The following PARD3 variants were observed in gnomAD, a reference collection of about 807,000 sequenced individuals.
The protein encoded by PARD3 is par-3 family cell polarity regulator, also known as partitioning defective 3 homolog.
In PARD3, 75 loss-of-function variants were observed where a neutral mutation model predicts 155.4. The observed-to-expected ratio is 0.48, with a 90% CI of 0.40 to 0.58. The LOEUF is 0.58. Among genes scored for constraint, PARD3 ranks in the 20% least tolerant of loss-of-function variants. The pLI, the probability that PARD3 is intolerant of heterozygous loss-of-function variation, is 0.00. For missense variants in PARD3, 1,642 were observed against 1,721.7 expected, an observed-to-expected ratio of 0.95 and a Z score of 0.82; for synonymous variants, 576 against 610.5, an observed-to-expected ratio of 0.94 and a Z score of 0.83.
Position 34,217,279 on chromosome 10 carries a change from G to A in PARD3, c.3419+52378C>T, listed in dbSNP as rs138443960. 1.8e-3 allele frequency among the ~76,000 whole-genome samples: 272 copies of A among 152,110 alleles called. 4 individuals are homozygous for A. Among genetic ancestry groups the A allele is most frequent in the African/African-American group, 6.1e-3 (255 of 41,490 alleles). ...AGGAAGGGAGAACTAGATCGTACACGTCATCACTTGGAAGATAGAGTGTTA... is the reference window on the plus strand; with the variant it reads ...AGGAAGGGAGAACTAGATCGTACACATCATCACTTGGAAGATAGAGTGTTA... On this transcript the variant is annotated intron_variant, in intron 22 of 24. Coordinates refer to ENST00000374788, the MANE Select transcript of PARD3 (RefSeq NM_001184785.2).
At chr10:34,295,067 A>G (rs1002535181) in intron 20 of PARD3, among the ~76,000 whole-genome samples, 1 of 152,056 alleles carries the variant, frequency 6.6e-6, no homozygotes, top group Non-Finnish European at 1.5e-5. Flanking sequence ...AAACACATAC[A>G]GAAAATGATG....
At chr10:34,804,847 AAAC>A (rs1843172767) in intron 1 of PARD3, among the ~76,000 whole-genome samples, 1 of 152,212 alleles carries the variant, frequency 6.6e-6, no homozygotes, top group African/African-American at 2.4e-5. Flanking sequence ...ACCAACACAA[AAAC>A]AACACTCCTT....
At chr10:34,533,367 C>G (rs779462269) in intron 2 of PARD3, among the ~76,000 whole-genome samples, 1 of 152,150 alleles carries the variant, frequency 6.6e-6, no homozygotes, top group Admixed American at 6.6e-5. Flanking sequence ...ATACCCCAAA[C>G]CTCAACATAA....
At chr10:34,116,477 G>A (rs1030462315) in intron 24 of PARD3, among the ~76,000 whole-genome samples, 1 of 152,184 alleles carries the variant, frequency 6.6e-6, no homozygotes, top group Non-Finnish European at 1.5e-5. Flanking sequence ...AGCTCACGGA[G>A]GTGGTTGCAG....
At chr10:34,495,290 G>A (rs548527906) in intron 3 of PARD3, among the ~76,000 whole-genome samples, 19 of 152,212 alleles carry the variant, frequency 1.2e-4, no homozygotes, top group African/African-American at 4.6e-4. Context: ...TGCCAAGTAA[G>A]ACCTCATCCA....
chr10:34,683,745 C>A (rs1308246205), intron 2 of PARD3, among the ~76,000 whole-genome samples: 1 of 152,096 alleles, frequency 6.6e-6, no homozygotes, highest in Non-Finnish European at 1.5e-5. Context: ...AAAGCTCCTA[C>A]TGCTCGTGAG....
chr10:34,493,773 A>G (rs1325585810), intron 3 of PARD3, among the ~76,000 whole-genome samples: 1 of 152,098 alleles, frequency 6.6e-6, no homozygotes, highest in Non-Finnish European at 1.5e-5. Flanking sequence ...TATAGTACAT[A>G]AACTTCCAAC....
At chr10:34,223,437 T>G (rs1952420915) in intron 22 of PARD3, among the ~76,000 whole-genome samples, 1 of 152,210 alleles carries the variant, frequency 6.6e-6, no homozygotes, top group Admixed American at 6.5e-5. Flanking sequence ...TTAGATACTA[T>G]TGAATCAGTG....
chr10:34,741,027 T>A (rs1190747374), intron 1 of PARD3, among the ~76,000 whole-genome samples: 2 of 152,114 alleles, frequency 1.3e-5, no homozygotes, highest in African/African-American at 4.8e-5. Context: ...AAAACAAATA[T>A]TATAGCTAAT....
intron 1 of PARD3, among the ~76,000 whole-genome samples, chr10:34,807,554 A>G (rs1843562566): frequency 6.6e-6 from 1 of 152,152 alleles, no homozygotes; most frequent in Non-Finnish European, 1.5e-5. Context: ...ACACCACTCT[A>G]CTGTCTCTAT....
chr10:34,811,516 G>T (rs562486924), intron 1 of PARD3, among the ~76,000 whole-genome samples: 1 of 152,148 alleles, frequency 6.6e-6, no homozygotes, highest in East Asian at 1.9e-4. Context: ...ACCAAGCCCA[G>T]TTCAAATCCT....
chr10:34,625,242 C>G (rs1313085669), intron 2 of PARD3, among the ~76,000 whole-genome samples: 3 of 152,220 alleles, frequency 2.0e-5, no homozygotes, highest in Non-Finnish European at 4.4e-5. Context: ...CAAGTTAAGA[C>G]TTTACAGTTC....
chr10:34,217,278 C>T (rs746046900), intron 22 of PARD3, among the ~76,000 whole-genome samples: 4 of 151,918 alleles, frequency 2.6e-5, no homozygotes, highest in East Asian at 1.9e-4. Context: ...AGATCGTACA[C>T]GTCATCACTT....
At chr10:34,529,348 C>G (rs943112089) in intron 2 of PARD3, among the ~76,000 whole-genome samples, 1 of 152,122 alleles carries the variant, frequency 6.6e-6, no homozygotes, top group African/African-American at 2.4e-5. Context: ...TAAATAAAAT[C>G]AAGGAAACAG....
At chr10:34,535,070 T>C (rs1373304606) in intron 2 of PARD3, among the ~76,000 whole-genome samples, 1 of 152,202 alleles carries the variant, frequency 6.6e-6, no homozygotes, top group Non-Finnish European at 1.5e-5. Flanking sequence ...CTGAGCAGGA[T>C]ACCCAGGGTT....
chr10:34,503,085 G>A (rs2080825620), intron 3 of PARD3, among the ~76,000 whole-genome samples: 1 of 152,098 alleles, frequency 6.6e-6, no homozygotes, highest in East Asian at 1.9e-4. Flanking sequence ...TCAAATATTA[G>A]TAGATACTCA....
At chr10:34,812,338 C>T (rs1469851198) in intron 1 of PARD3, among the ~76,000 whole-genome samples, 1 of 152,186 alleles carries the variant, frequency 6.6e-6, no homozygotes, top group African/African-American at 2.4e-5. Flanking sequence ...GGGAGCTCAT[C>T]AAGCCACATG....
chr10:34,693,902 C>T (rs986443567), intron 2 of PARD3, among the ~76,000 whole-genome samples: 1 of 151,834 alleles, frequency 6.6e-6, no homozygotes, highest in Non-Finnish European at 1.5e-5. Flanking sequence ...ATATGCTAAC[C>T]TCAAAACAAA....
intron 5 of PARD3, among the ~76,000 whole-genome samples, chr10:34,433,276 C>G (rs1470364000): frequency 1.3e-5 from 2 of 152,092 alleles, no homozygotes; most frequent in African/African-American, 2.4e-5. Context: ...TTATATTGAG[C>G]CACAGAAAAT....
Sources: allele counts gnomAD v4.1 joint callset (sites outside exome capture counted in the v4.1 genomes callset), GRCh38; gene constraint gnomAD v4.1.1; transcripts MANE v1.5; gene names NCBI Gene and HGNC (gene_info 2026-07-23, HGNC 2026-07-21).